HIGD1C: variants seen among roughly 807,000 people sequenced by gnomAD.
The protein encoded by HIGD1C is HIG1 domain family member 1C.
HIGD1C carries 11 observed loss-of-function variants against 13.1 expected under a neutral mutation model. The ratio of observed to expected loss-of-function variants is 0.84; its 90% CI spans 0.53 to 1.39. HIGD1C has a LOEUF of 1.39. HIGD1C is among the 40% of genes most tolerant of loss of function. The pLI, the probability that HIGD1C is intolerant of heterozygous loss-of-function variation, is 0.00. For missense variants in HIGD1C, 110 were observed against 112.0 expected (o/e 0.98, Z 0.08); for synonymous variants, 36 against 37.7 (o/e 0.95, Z 0.17).
chr12:50,933,887 T>A, the HIGD1C span, among the ~76,000 whole-genome samples: 3 of 152,180 alleles, frequency 2.0e-5, no homozygotes, highest in Non-Finnish European at 4.4e-5. Context: ...TATCACCCCA[T>A]GGCAGGATCC....
intron 1 of HIGD1C, 41 bp downstream of exon 3, chr12:50,954,133 C>T (rs746686406): frequency 8.6e-7 from 1 of 1,164,634 alleles, no homozygotes; most frequent in South Asian, 1.3e-5. Context: ...ACTGTAATAA[C>T]ACAATGATGC....
chr12:50,934,322 T>C, the HIGD1C span, among the ~76,000 whole-genome samples: 14 of 152,328 alleles, frequency 9.2e-5, no homozygotes, highest in Non-Finnish European at 1.8e-4. Context: ...CAAGTCCTGG[T>C]TGTGTCATTG....
upstream of HIGD1C, among the ~76,000 whole-genome samples, chr12:50,950,357 C>A (rs1339608524): frequency 6.6e-6 from 1 of 151,868 alleles, no homozygotes; most frequent in Non-Finnish European, 1.5e-5. Context: ...AAAGCAAAAA[C>A]CAGTTATTTT....
At chr12:50,937,115 T>A in the HIGD1C span, among the ~76,000 whole-genome samples, 2 of 152,252 alleles carry the variant, frequency 1.3e-5, no homozygotes, top group Non-Finnish European at 2.9e-5. Flanking sequence ...TCATAAGTAC[T>A]GCCTGTTCTT....
intron 2 of HIGD1C, among the ~76,000 whole-genome samples, chr12:50,965,980 A>G (rs1158045694): frequency 6.6e-6 from 1 of 152,146 alleles, no homozygotes; most frequent in Non-Finnish European, 1.5e-5. Context: ...TGTTCACCAA[A>G]CCTAGAGCTT....
intron 2 of HIGD1C, among the ~76,000 whole-genome samples, chr12:50,964,597 C>T (rs73092534): frequency 0.13 from 19,634 of 152,200 alleles, 1,727 homozygotes; most frequent in East Asian, 0.42. Context: ...GGAGAGTTCA[C>T]ACAGCCCTGA....
the HIGD1C span, among the ~76,000 whole-genome samples, chr12:50,947,905 C>T: frequency 2.0e-5 from 3 of 152,146 alleles, no homozygotes; most frequent in Non-Finnish European, 2.9e-5. Flanking sequence ...GCCAAGACCA[C>T]GTCACTGCAC....
chr12:50,947,219 A>G, the HIGD1C span, among the ~76,000 whole-genome samples: 4 of 152,288 alleles, frequency 2.6e-5, no homozygotes, highest in African/African-American at 7.2e-5. Context: ...CACTTGTATT[A>G]GTTTCCTACT....
At chr12:50,948,931 G>GGGA (rs144151583), upstream of HIGD1C, among the ~76,000 whole-genome samples, 12 of 17,510 alleles carry the variant, frequency 6.9e-4, no homozygotes, top group South Asian at 8.8e-3. Context: ...GGAGGGGGAG[G>GGGA]GGAGGAGGAG....
intron 1 of HIGD1C, 140 bp downstream of exon 3, chr12:50,954,232 A>G (rs1939005023): frequency 1.8e-6 from 1 of 557,704 alleles, no homozygotes; most frequent in Admixed American, 3.4e-5. Context: ...CATGTGTTGA[A>G]CTTTCAGAAT....
chr12:50,932,132 G>A, the HIGD1C span: 1 of 152,148 alleles, frequency 6.6e-6, no homozygotes, highest in African/African-American at 2.4e-5. Flanking sequence ...ATACTTTGCT[G>A]AATATTGTAG....
At chr12:50,960,210 A>T (rs1012711762) in intron 1 of HIGD1C, among the ~76,000 whole-genome samples, 1 of 152,108 alleles carries the variant, frequency 6.6e-6, no homozygotes, top group Admixed American at 6.5e-5. Context: ...ATACCTTTTC[A>T]TCTCTCACTA....
At chr12:50,965,942 T>C (rs1939525784) in intron 2 of HIGD1C, among the ~76,000 whole-genome samples, 1 of 152,236 alleles carries the variant, frequency 6.6e-6, no homozygotes, top group African/African-American at 2.4e-5. Flanking sequence ...GCCCTGGCTC[T>C]TTATTGTGGT....
chr12:50,958,244 A>G (rs1939185201), intron 1 of HIGD1C, among the ~76,000 whole-genome samples: 1 of 150,466 alleles, frequency 6.6e-6, no homozygotes, highest in Admixed American at 6.6e-5. Flanking sequence ...TCTAAATCTT[A>G]TATGGAAAGG....
At chr12:50,947,411 C>T in the HIGD1C span, among the ~76,000 whole-genome samples, 1 of 152,100 alleles carries the variant, frequency 6.6e-6, no homozygotes, top group Admixed American at 6.5e-5. Flanking sequence ...TTTGTAGAGG[C>T]CACCTTCACT....
At chr12:50,956,893 T>C (rs1428765823) in intron 1 of HIGD1C, among the ~76,000 whole-genome samples, 2 of 152,208 alleles carry the variant, frequency 1.3e-5, no homozygotes, top group African/African-American at 2.4e-5. Context: ...TCATTTGTTA[T>C]ATATTTCCAG....
At chr12:50,935,171 C>CAT in the HIGD1C span, 2 of 152,166 alleles carry the variant, frequency 1.3e-5, no homozygotes, top group Admixed American at 1.3e-4. Flanking sequence ...TCTGATGAAT[C>CAT]ATAGCAAACC....
chr12:50,958,854 T>C (rs968080796), intron 1 of HIGD1C, among the ~76,000 whole-genome samples: 1 of 151,286 alleles, frequency 6.6e-6, no homozygotes, highest in Admixed American at 6.6e-5. Flanking sequence ...TCATCTCTAC[T>C]AAAAATACAA....
At chr12:50,958,282 CT>C (rs71089718) in intron 1 of HIGD1C, among the ~76,000 whole-genome samples, 2,358 of 133,840 alleles carry the variant, frequency 0.018, 41 homozygotes, top group African/African-American at 0.05. Flanking sequence ...CTAAAATAAT[CT>C]TTTTTTTTTT....
Sources: gnomAD v4.1 joint callset for allele counts (sites outside exome capture counted in the v4.1 genomes callset) on GRCh38, gnomAD v4.1.1 for gene constraint, MANE v1.5 for transcripts, NCBI Gene and HGNC (gene_info 2026-07-23, HGNC 2026-07-21) for gene names.